Variants in SDK1 observed in about 807,000 individuals in gnomAD.
SDK1 encodes the protein protein sidekick-1.
SDK1 carries 157 observed loss-of-function variants against 245.5 expected under a neutral mutation model. That is an observed-to-expected ratio of 0.64 (90% CI 0.56 to 0.73). The LOEUF (loss-of-function observed/expected upper bound fraction) is 0.73, where lower values mean the gene tolerates loss of function less well. SDK1 is among the 30% of genes least tolerant of loss of function. The pLI, the probability that SDK1 is intolerant of heterozygous loss-of-function variation, is 0.00. For missense variants in SDK1, 3,583 were observed against 3,002.3 expected, an observed-to-expected ratio of 1.19 and a Z score of -4.52; for synonymous variants, 1,647 against 1,278.5, an observed-to-expected ratio of 1.29 and a Z score of -6.15.
intron 4 of SDK1, among the ~76,000 whole-genome samples, chr7:3,721,859 A>C (rs1583341606): frequency 6.6e-6 from 1 of 152,184 alleles, no homozygotes; most frequent in Non-Finnish European, 1.5e-5. Flanking sequence ...ACTGTCGGCC[A>C]TCCTTAAGCT....
At chr7:3,790,705 C>A (rs750888271) in intron 4 of SDK1, among the ~76,000 whole-genome samples, 10 of 152,118 alleles carry the variant, frequency 6.6e-5, no homozygotes, top group African/African-American at 1.2e-4. Flanking sequence ...ACTCGGGAGA[C>A]TGAGGCAGGA....
Position 3,958,945 on chromosome 7 carries a change from A to T in SDK1, c.1165A>T (p.Thr389Ser). The change falls in exon 8 of 45, where the codon ACT becomes TCT. Residue 389 changes from threonine (T) to serine (S), a missense_variant. Thr to Ser is a moderately conservative substitution (Grantham distance 58, BLOSUM62 1). Coordinates refer to ENST00000404826, the MANE Select transcript of SDK1 (RefSeq NM_152744.4). ...CTTGTTTGAAGAGCCACCATATTTT[A>T]CTGCTGAGCCCGAGAGTCGGATTTC... The part of the protein sequence containing the change: ...FLFIIEPPYF[T>S]AEPESRISAE... The T allele has an allele frequency of 6.2e-7, 1 of 1,613,836 alleles. No homozygotes were observed. Among genetic ancestry groups the T allele is most frequent in the Non-Finnish European group, 8.5e-7 (1 of 1,179,812 alleles).
intron 1 of SDK1, among the ~76,000 whole-genome samples, chr7:3,611,129 T>G (rs944030958): frequency 6.6e-6 from 1 of 152,140 alleles, no homozygotes; most frequent in South Asian, 2.1e-4. Flanking sequence ...ACAGAGAAGT[T>G]GGGTGGGTAA....
intron 1 of SDK1, among the ~76,000 whole-genome samples, chr7:3,345,204 A>G (rs568054729): frequency 6.6e-6 from 1 of 152,314 alleles, no homozygotes; most frequent in East Asian, 1.9e-4. Context: ...CAGATAACTT[A>G]CGGATTTTAT....
chr7:3,624,903 G>C (rs1004040290), intron 2 of SDK1, among the ~76,000 whole-genome samples: 14 of 151,978 alleles, frequency 9.2e-5, no homozygotes, highest in African/African-American at 4.8e-5. Flanking sequence ...AAATTAGCTG[G>C]TTGTCGTGGT....
intron 28 of SDK1, among the ~76,000 whole-genome samples, chr7:4,134,394 T>C (rs905073151): frequency 6.6e-6 from 1 of 152,184 alleles, no homozygotes; most frequent in African/African-American, 2.4e-5. Context: ...GCCTGCGCAG[T>C]GAGCCCAGTC....
At position 3,309,524 on chromosome 7, in the gene SDK1, A is replaced by ATTTTT. The variant is rs59762021; in HGVS notation, c.298+7654_298+7658dup. Among the ~76,000 whole-genome samples the ATTTTT allele has an allele frequency of 8.6e-3, 1,097 of 127,316 alleles. 20 individuals are homozygous for ATTTTT. Among genetic ancestry groups the ATTTTT allele is most frequent in the African/African-American group, 0.026 (957 of 36,324 alleles). The allele number at this position is 127,316 out of a possible 152,430, so 83.5% of individuals were successfully genotyped here. A position where few individuals can be genotyped will look rare whatever the true frequency, so the allele number is the denominator to read the frequency against. On this transcript the variant is annotated intron_variant, in intron 1 of 44. Coordinates refer to ENST00000404826, the MANE Select transcript of SDK1 (RefSeq NM_152744.4). ...AGTGGCAGAGTGTCACTAGAAAAAGATTTTTTTTTTTTTTTTTTACATGAG... is the reference window on the plus strand; with the variant it reads ...AGTGGCAGAGTGTCACTAGAAAAAGATTTTTTTTTTTTTTTTTTTTTTTACATGAG...
Position 3,500,952 on chromosome 7 carries a change from A to T in SDK1, c.299-118128A>T, listed in dbSNP as rs368881926. On this transcript the variant is annotated intron_variant, in intron 1 of 44. Coordinates refer to ENST00000404826, the MANE Select transcript of SDK1 (RefSeq NM_152744.4). ...GCATCCTATTCTTATTTAATAGATG[A>T]AGCATTTTTTAATATCTGATAATTT... Among the ~76,000 whole-genome samples, 10 of 152,162 alleles carry T rather than the reference A, an allele frequency of 6.6e-5. No homozygotes were observed. The East Asian group carries it at 1.9e-3, about 29-fold the overall frequency.
chr7:3,301,658 C>A lies in SDK1; in HGVS notation c.72C>A (p.Gly24=), dbSNP rs1341866773. The change falls in exon 1 of 45, where the codon GGC becomes GGA. Residue 24 remains glycine (G), a synonymous_variant. Transcript: ENST00000404826. ...GGGAEPPERA[G]PGRPRGSPPG... ...GCGCGGAGCCCCCTGAGCGCGCGGG[C>A]CCCGGGCGGCCGCGGGGATCCCCGC... 2.5e-5 allele frequency: 24 copies of A among 975,336 alleles called. No individual in the cohort carries two copies. The highest frequency in any genetic ancestry group is 5.4e-5 in the African/African-American group (3 of 55,906). 60.4% of individuals were successfully genotyped at this position (975,336 alleles called of 1,614,324 possible).
At chr7:3,578,869 A>G (rs1431332288) in intron 1 of SDK1, among the ~76,000 whole-genome samples, 2 of 151,948 alleles carry the variant, frequency 1.3e-5, no homozygotes, top group African/African-American at 2.4e-5. Context: ...ATGTTTTACA[A>G]TCATTTTATA....
chr7:3,583,336 T>C (rs1327500032), intron 1 of SDK1, among the ~76,000 whole-genome samples: 1 of 152,216 alleles, frequency 6.6e-6, no homozygotes, highest in African/African-American at 2.4e-5. Context: ...TTAGAAACTT[T>C]CCTCTTCCGG....
intron 37 of SDK1, among the ~76,000 whole-genome samples, chr7:4,209,468 A>T (rs1176436922): frequency 5.9e-5 from 9 of 152,136 alleles, no homozygotes. Context: ...CACACACCTG[A>T]CCTTCAGTAG....
intron 1 of SDK1, among the ~76,000 whole-genome samples, chr7:3,371,634 A>C (rs1365507839): frequency 6.6e-6 from 1 of 152,202 alleles, no homozygotes; most frequent in East Asian, 1.9e-4. Context: ...CTTGATCTCC[A>C]AAAATAGAAG....
At chr7:3,573,130 G>T (rs190211438) in intron 1 of SDK1, among the ~76,000 whole-genome samples, 1 of 152,058 alleles carries the variant, frequency 6.6e-6, no homozygotes, top group South Asian at 2.1e-4. Context: ...AGAGCAGTGG[G>T]GTGCTATAGT....
At chr7:3,639,409 C>T (rs984277893) in intron 3 of SDK1, among the ~76,000 whole-genome samples, 6 of 152,126 alleles carry the variant, frequency 3.9e-5, no homozygotes, top group Non-Finnish European at 5.9e-5. Flanking sequence ...CTGCTCTTAG[C>T]TTGTACTATG....
At chr7:3,825,777 G>C (rs1440226863) in intron 5 of SDK1, among the ~76,000 whole-genome samples, 1 of 152,150 alleles carries the variant, frequency 6.6e-6, no homozygotes, top group Non-Finnish European at 1.5e-5. Context: ...TGTGTGCCCA[G>C]GTACAACTCT....
intron 1 of SDK1, among the ~76,000 whole-genome samples, chr7:3,554,745 G>C (rs1044738097): frequency 1.6e-4 from 25 of 152,190 alleles, no homozygotes; most frequent in African/African-American, 5.3e-4. Context: ...TATAGTTGCT[G>C]AATACAAAAT....
At chr7:3,484,078 T>C (rs189442906) in intron 1 of SDK1, among the ~76,000 whole-genome samples, 10 of 152,350 alleles carry the variant, frequency 6.6e-5, no homozygotes, top group Admixed American at 5.9e-4. Flanking sequence ...AAATATTCTC[T>C]TGCAGCTATT....
chr7:3,495,138 G>T (rs1000379063), intron 1 of SDK1, among the ~76,000 whole-genome samples: 2 of 151,742 alleles, frequency 1.3e-5, no homozygotes, highest in African/African-American at 4.8e-5. Flanking sequence ...AAACTGCAGT[G>T]TAACAGCGCT....
Sources: gnomAD v4.1 joint callset for allele counts (sites outside exome capture counted in the v4.1 genomes callset) on GRCh38, gnomAD v4.1.1 for gene constraint, MANE v1.5 for transcripts, NCBI Gene and HGNC (gene_info 2026-07-23, HGNC 2026-07-21) for gene names.